IMMP2L: variants seen among roughly 807,000 people sequenced by gnomAD.
IMMP2L encodes inner mitochondrial membrane peptidase subunit 2, also known as mitochondrial inner membrane protease subunit 2.
In IMMP2L, 18 loss-of-function variants were observed where a neutral mutation model predicts 19.3. The observed-to-expected ratio is 0.93, with a 90% CI of 0.64 to 1.38. IMMP2L has a LOEUF of 1.38. Ranked by LOEUF, IMMP2L falls within the 40% of genes most tolerant of loss-of-function variation. The pLI is 0.00. For synonymous variants in IMMP2L, 76 were observed against 73.0 expected (o/e 1.04, Z -0.21); for missense variants, 233 against 218.2 (o/e 1.07, Z -0.43).
rs1229757487 is a variant in IMMP2L at position 111,409,355 on chromosome 7, GCATATTAAAAGTCCCCATGGATAA to G, written c.239+77859_239+77882del. 1.4e-4 allele frequency among the ~76,000 whole-genome samples: 21 copies of G among 151,588 alleles called. 1 individual carries two copies. Among genetic ancestry groups the G allele is most frequent in the African/African-American group, 5.1e-4 (21 of 41,180 alleles). ...AAAATTTGCAGATCTGTATAACCAA[GCATATTAAAAGTCCCCATGGATAA>G]CATATAACCATGAGTAACTCTCATA... On this transcript the variant is annotated intron_variant, in intron 3 of 5. Transcript: ENST00000405709.
At chr7:110,914,887 C>A (rs1045566501) in intron 4 of IMMP2L, among the ~76,000 whole-genome samples, 1 of 151,932 alleles carries the variant, frequency 6.6e-6, no homozygotes, top group African/African-American at 2.4e-5. Context: ...CAAATGAAAA[C>A]CACAACATAG....
chr7:111,308,184 GGC>G, intron 3 of IMMP2L, among the ~76,000 whole-genome samples: 1 of 151,822 alleles, frequency 6.6e-6, no homozygotes, highest in Non-Finnish European at 1.5e-5. Context: ...TGTCTACACT[GGC>G]AGTACCCTAT....
chr7:111,311,078 C>T (rs1017974428), intron 3 of IMMP2L, among the ~76,000 whole-genome samples: 8 of 152,132 alleles, frequency 5.3e-5, no homozygotes, highest in African/African-American at 1.9e-4. Flanking sequence ...GATGGGAGAA[C>T]AGTTCCAGGG....
At chr7:111,489,191 C>G (rs992492638) in intron 2 of IMMP2L, among the ~76,000 whole-genome samples, 1 of 151,778 alleles carries the variant, frequency 6.6e-6, no homozygotes, top group Non-Finnish European at 1.5e-5. Flanking sequence ...CTAGAGGCGC[C>G]TGCCATCACG....
intron 5 of IMMP2L, among the ~76,000 whole-genome samples, chr7:110,689,167 T>C (rs1793324148): frequency 6.6e-6 from 1 of 152,170 alleles, no homozygotes; most frequent in African/African-American, 2.4e-5. Flanking sequence ...AAGGCAACAC[T>C]GATGTATGCT....
chr7:111,060,797 A>G (rs1793947465), intron 3 of IMMP2L, among the ~76,000 whole-genome samples: 1 of 152,206 alleles, frequency 6.6e-6, no homozygotes, highest in African/African-American at 2.4e-5. Flanking sequence ...GCTTGGGAAA[A>G]TGGATACTGT....
At chr7:111,216,945 C>T (rs527342980) in intron 3 of IMMP2L, among the ~76,000 whole-genome samples, 1 of 152,144 alleles carries the variant, frequency 6.6e-6, no homozygotes, top group African/African-American at 2.4e-5. Flanking sequence ...TTATCAAATG[C>T]ATGCAAGTGA....
rs147449608 is a variant in IMMP2L at position 111,332,136 on chromosome 7, G to A, written c.239+155102C>T. On this transcript the variant is annotated intron_variant, in intron 3 of 5. Transcript: ENST00000405709. ...ATCAATAACAGCCGAATAACCAGAT[G>A]TTAAAAGGTCATAATGTTTAAATGG... is the stretch of plus-strand genomic sequence containing the variant. Among the ~76,000 whole-genome samples the A allele has an allele frequency of 5.1e-4, 77 of 151,826 alleles. 1 individual carries two copies. In the East Asian group the frequency reaches 0.014, roughly 28 times the overall value.
intron 3 of IMMP2L, among the ~76,000 whole-genome samples, chr7:111,129,277 G>C (rs1801620087): frequency 6.6e-6 from 1 of 151,964 alleles, no homozygotes; most frequent in Non-Finnish European, 1.5e-5. Flanking sequence ...TTTTCTAGGA[G>C]ATAGGGAGTA....
chr7:111,193,266 C>A (rs1041324319), intron 3 of IMMP2L, among the ~76,000 whole-genome samples: 1 of 152,002 alleles, frequency 6.6e-6, no homozygotes, highest in Non-Finnish European at 1.5e-5. Flanking sequence ...TTGCAGGAAG[C>A]AGGGAATAAC....
At chr7:111,393,695 C>A (rs1832607238) in intron 3 of IMMP2L, among the ~76,000 whole-genome samples, 1 of 152,094 alleles carries the variant, frequency 6.6e-6, no homozygotes, top group Admixed American at 6.5e-5. Flanking sequence ...TAAAATCTTT[C>A]CTACCACCAT....
At chr7:111,005,984 T>C (rs1325886002) in intron 3 of IMMP2L, among the ~76,000 whole-genome samples, 1 of 151,788 alleles carries the variant, frequency 6.6e-6, no homozygotes, top group Non-Finnish European at 1.5e-5. Flanking sequence ...TTTTAAGCCA[T>C]GGGCCCCTTG....
At chr7:110,680,220 T>C (rs1172752504) in intron 5 of IMMP2L, among the ~76,000 whole-genome samples, 1 of 152,170 alleles carries the variant, frequency 6.6e-6, no homozygotes, top group Non-Finnish European at 1.5e-5. Context: ...CCCTTAACAT[T>C]ATCTTTGTTC....
chr7:110,921,393 T>C (rs1431029270), intron 4 of IMMP2L, among the ~76,000 whole-genome samples: 1 of 152,144 alleles, frequency 6.6e-6, no homozygotes, highest in Non-Finnish European at 1.5e-5. Flanking sequence ...ATGGAGATGT[T>C]CATCTGCTAG....
At chr7:110,669,052 CGTGTGTGTGT>C (rs1165734674) in intron 5 of IMMP2L, among the ~76,000 whole-genome samples, 49 of 65,322 alleles carry the variant, frequency 7.5e-4, no homozygotes, top group Admixed American at 3.7e-3. Flanking sequence ...TGTGTGTGTG[CGTGTGTGTGT>C]GTGTGTGTGT....
At chr7:111,055,543 T>G (rs1347649095) in intron 3 of IMMP2L, among the ~76,000 whole-genome samples, 1 of 152,228 alleles carries the variant, frequency 6.6e-6, no homozygotes, top group Non-Finnish European at 1.5e-5. Context: ...TCTTCCGCAC[T>G]ATCTAACTTT....
At chr7:110,725,103 G>T (rs1183219735) in intron 5 of IMMP2L, among the ~76,000 whole-genome samples, 1 of 152,116 alleles carries the variant, frequency 6.6e-6, no homozygotes, top group Non-Finnish European at 1.5e-5. Flanking sequence ...TATCCTCAAA[G>T]TCTTTACTCT....
intron 3 of IMMP2L, among the ~76,000 whole-genome samples, chr7:111,270,951 C>T (rs1818396671): frequency 6.6e-6 from 1 of 152,108 alleles, no homozygotes; most frequent in African/African-American, 2.4e-5. Context: ...CCCGCTAAGA[C>T]TATTATATAC....
chr7:110,962,595 C>T (rs1477104998), intron 4 of IMMP2L: 5 of 346,706 alleles, frequency 1.4e-5, no homozygotes, highest in Middle Eastern at 1.4e-3. Context: ...TGAAAAACGG[C>T]AAGTAACACT....
Sources: allele counts gnomAD v4.1 joint callset (sites outside exome capture counted in the v4.1 genomes callset), GRCh38; gene constraint gnomAD v4.1.1; transcripts MANE v1.5; gene names NCBI Gene and HGNC (gene_info 2026-07-23, HGNC 2026-07-21).